The following NYAP2 variants were observed in gnomAD, a reference collection of about 807,000 sequenced individuals.
NYAP2 encodes the protein neuronal tyrosine-phosphorylated phosphoinositide-3-kinase adaptor 2.
NYAP2 carries 23 observed loss-of-function variants against 50.4 expected under a neutral mutation model. The observed-to-expected ratio is 0.46, with a 90% CI of 0.33 to 0.65. The LOEUF (loss-of-function observed/expected upper bound fraction) is 0.65. Among genes scored for constraint, NYAP2 ranks in the 30% least tolerant of loss-of-function variants. NYAP2 has a pLI of 0.02. For missense variants in NYAP2, 885 were observed against 861.0 expected (o/e 1.03, Z -0.35); for synonymous variants, 394 against 365.2 (o/e 1.08, Z -0.90).
the NYAP2 span, among the ~76,000 whole-genome samples, chr2:225,670,556 C>A: frequency 1.4e-5 from 2 of 144,386 alleles, no homozygotes; most frequent in East Asian, 2.1e-4. Flanking sequence ...CAAAGGGGTG[C>A]TATTGCATTA....
intron 3 of NYAP2, among the ~76,000 whole-genome samples, chr2:225,455,972 A>C (rs573487479): frequency 6.6e-6 from 1 of 152,334 alleles, no homozygotes; most frequent in South Asian, 2.1e-4. Context: ...GTATCATGTA[A>C]ATAGTTCTGG....
At chr2:225,414,107 T>C (rs535911866) in intron 3 of NYAP2, among the ~76,000 whole-genome samples, 1 of 152,224 alleles carries the variant, frequency 6.6e-6, no homozygotes. Flanking sequence ...CTAAGTCACT[T>C]AGGCTTTCTG....
chr2:225,532,201 T>C (rs920880238), intron 4 of NYAP2, among the ~76,000 whole-genome samples: 3 of 152,184 alleles, frequency 2.0e-5, no homozygotes, highest in African/African-American at 7.2e-5. Context: ...TTTTTTTCCA[T>C]TATGTAGGGA....
chr2:225,601,478 T>C (rs1243294916), intron 5 of NYAP2, among the ~76,000 whole-genome samples: 2 of 152,178 alleles, frequency 1.3e-5, no homozygotes, highest in Non-Finnish European at 2.9e-5. Flanking sequence ...CTGTTTTCCA[T>C]AGCAGCTGTT....
intron 4 of NYAP2, among the ~76,000 whole-genome samples, chr2:225,537,364 C>T (rs1330980441): frequency 6.6e-6 from 1 of 152,026 alleles, no homozygotes; most frequent in Non-Finnish European, 1.5e-5. Flanking sequence ...TAAAGACATA[C>T]CCGAGACTGG....
chr2:225,691,741 T>G, the NYAP2 span, among the ~76,000 whole-genome samples: 1 of 151,984 alleles, frequency 6.6e-6, no homozygotes. Flanking sequence ...CCTTCTTGAG[T>G]CACACACACT....
rs147164030 is a variant in NYAP2, at chr2:225,441,887, A to G, written c.221+32786A>G. ...TCCTCATCTATAAATTGGAAATGCCATGAATACCTATGTCATACATACCCA... is the reference window on the plus strand; with the variant it reads ...TCCTCATCTATAAATTGGAAATGCCGTGAATACCTATGTCATACATACCCA... On this transcript the variant is annotated intron_variant, in intron 3 of 6. Coordinates refer to ENST00000636099, the Ensembl canonical transcript of NYAP2. 3.0e-3 allele frequency among the ~76,000 whole-genome samples: 454 copies of G among 152,322 alleles called. 3 individuals carry two copies. Among genetic ancestry groups the G allele is most frequent in the African/African-American group, 0.01 (422 of 41,568 alleles).
chr2:225,520,587 G>A (rs1691034422), intron 4 of NYAP2, among the ~76,000 whole-genome samples: 1 of 152,066 alleles, frequency 6.6e-6, no homozygotes, highest in Non-Finnish European at 1.5e-5. Flanking sequence ...AGTTGTAGAT[G>A]TGTGGTGTTA....
chr2:225,520,223 G>A (rs1017053644), intron 4 of NYAP2, among the ~76,000 whole-genome samples: 1 of 152,056 alleles, frequency 6.6e-6, no homozygotes, highest in Non-Finnish European at 1.5e-5. Context: ...TTTGTAGGTT[G>A]CCTGTTCACT....
At chr2:225,562,992 A>G (rs1553550417) in intron 4 of NYAP2, among the ~76,000 whole-genome samples, 1 of 152,144 alleles carries the variant, frequency 6.6e-6, no homozygotes, top group Non-Finnish European at 1.5e-5. Flanking sequence ...TTCATGGCAA[A>G]ATATTTCTGA....
chr2:225,454,928 T>C (rs1689714973), intron 3 of NYAP2, among the ~76,000 whole-genome samples: 1 of 152,058 alleles, frequency 6.6e-6, no homozygotes, highest in Admixed American at 6.6e-5. Flanking sequence ...AAAAATTAGA[T>C]TTATTTTTGG....
intron 3 of NYAP2, among the ~76,000 whole-genome samples, chr2:225,419,788 T>A (rs1695186932): frequency 6.6e-6 from 1 of 152,160 alleles, no homozygotes; most frequent in Non-Finnish European, 1.5e-5. Context: ...CTCAATAACA[T>A]CACATGGCAC....
chr2:225,598,113 C>T (rs1692636500), intron 5 of NYAP2, among the ~76,000 whole-genome samples: 2 of 152,060 alleles, frequency 1.3e-5, no homozygotes, highest in Non-Finnish European at 1.5e-5. Context: ...TAAGCCTTGA[C>T]GCTGGAGGGC....
chr2:225,535,162 T>C (rs1035240387), intron 4 of NYAP2, among the ~76,000 whole-genome samples: 5 of 152,206 alleles, frequency 3.3e-5, no homozygotes, highest in African/African-American at 1.2e-4. Context: ...AGAAGCCACC[T>C]GCACTGCAGA....
intron 6 of NYAP2, among the ~76,000 whole-genome samples, chr2:225,639,044 G>T (rs913911989): frequency 1.7e-4 from 21 of 122,936 alleles, no homozygotes; most frequent in African/African-American, 6.2e-4. Context: ...GAAACTGAAA[G>T]ATTTTTAATC....
the NYAP2 span, among the ~76,000 whole-genome samples, chr2:225,689,058 A>G: frequency 6.6e-6 from 1 of 152,128 alleles, no homozygotes; most frequent in African/African-American, 2.4e-5. Flanking sequence ...TTGAACATCA[A>G]ACACACACAT....
At chr2:225,433,613 G>C (rs1296510721) in intron 3 of NYAP2, among the ~76,000 whole-genome samples, 1 of 151,784 alleles carries the variant, frequency 6.6e-6, no homozygotes, top group Non-Finnish European at 1.5e-5. Flanking sequence ...AAAACTAAGT[G>C]ATTTAATGGT....
At chr2:225,680,447 C>A in the NYAP2 span, among the ~76,000 whole-genome samples, 4 of 152,070 alleles carry the variant, frequency 2.6e-5, no homozygotes, top group Non-Finnish European at 5.9e-5. Context: ...ATTCTACAGG[C>A]AATAATTTGC....
At chr2:225,422,505 G>T (rs892018638) in intron 3 of NYAP2, among the ~76,000 whole-genome samples, 3 of 152,096 alleles carry the variant, frequency 2.0e-5, no homozygotes, top group Non-Finnish European at 2.9e-5. Flanking sequence ...AATAATGTCT[G>T]TCTGAATGAA....
Sources: allele counts gnomAD v4.1 joint callset (sites outside exome capture counted in the v4.1 genomes callset), GRCh38; gene constraint gnomAD v4.1.1; transcripts MANE v1.5; gene names NCBI Gene and HGNC (gene_info 2026-07-23, HGNC 2026-07-21).